ROBO2: variants seen among roughly 807,000 people sequenced by gnomAD.
ROBO2 encodes roundabout guidance receptor 2.
Under a neutral mutation model 160.8 loss-of-function variants are expected in ROBO2, and 53 were observed. That is an observed-to-expected ratio of 0.33 (90% CI 0.26 to 0.41). The LOEUF (loss-of-function observed/expected upper bound fraction) is 0.41. ROBO2 is among the 10% of genes least tolerant of loss of function. The pLI is 1.00. For synonymous variants in ROBO2, 664 were observed against 611.7 expected (o/e 1.09, Z -1.26); for missense variants, 1,577 against 1,722.4 (o/e 0.92, Z 1.49).
At chr3:77,187,795 G>T (rs1463762997) in intron 2 of ROBO2, among the ~76,000 whole-genome samples, 1 of 151,856 alleles carries the variant, frequency 6.6e-6, no homozygotes, top group Non-Finnish European at 1.5e-5. Context: ...TAAAATGAAT[G>T]TATAGAAGTA....
chr3:77,035,925 T>C (rs1417895326), upstream of ROBO2, among the ~76,000 whole-genome samples: 1 of 151,928 alleles, frequency 6.6e-6, no homozygotes, highest in African/African-American at 2.4e-5. Flanking sequence ...TATAGAAAAA[T>C]TCGAGCTGAG....
chr3:77,327,921 T>G (rs2065585272), intron 2 of ROBO2, among the ~76,000 whole-genome samples: 1 of 151,598 alleles, frequency 6.6e-6, no homozygotes, highest in South Asian at 2.1e-4. Flanking sequence ...CATGGTGATA[T>G]GCACCTGTAA....
intron 2 of ROBO2, among the ~76,000 whole-genome samples, chr3:76,112,237 T>G (rs1275486354): frequency 1.3e-5 from 2 of 152,186 alleles, no homozygotes; most frequent in African/African-American, 2.4e-5. Context: ...AAAAATGTTT[T>G]GACTATTCTA....
At chr3:76,682,016 A>G (rs887846368) in intron 2 of ROBO2, among the ~76,000 whole-genome samples, 4 of 152,120 alleles carry the variant, frequency 2.6e-5, no homozygotes, top group African/African-American at 9.7e-5. Flanking sequence ...GCAGTAGTGA[A>G]GATGGGAAGG....
chr3:77,322,516 A>G (rs148604383), intron 2 of ROBO2, among the ~76,000 whole-genome samples: 19 of 152,038 alleles, frequency 1.2e-4, no homozygotes, highest in African/African-American at 4.3e-4. Context: ...TCTCAATTTA[A>G]AGGAACATGA....
In ROBO2 at chr3:76,146,191, A is replaced by G. The variant is rs2071880041; in HGVS notation, c.109+208589A>G. On this transcript the variant is annotated intron_variant, in intron 2 of 26. Coordinates refer to the ROBO2 transcript ENST00000487694. ...TTCTCCACAACCACACCCCAACAGT[A>G]AAACATTCTTTAAAACAATTACTCA... Among the ~76,000 whole-genome samples, 4 of 152,032 alleles carry G rather than the reference A, an allele frequency of 2.6e-5. 1 individual carries two copies. The South Asian group carries it at 8.3e-4, about 31-fold the overall frequency.
At chr3:76,603,255 C>T (rs1163682940) in intron 2 of ROBO2, among the ~76,000 whole-genome samples, 1 of 147,590 alleles carries the variant, frequency 6.8e-6, no homozygotes, top group South Asian at 2.1e-4. Context: ...TGGCGTGAAC[C>T]CGGGAGGCAG....
At chr3:76,886,330 T>C (rs1266150953) in intron 2 of ROBO2, among the ~76,000 whole-genome samples, 1 of 151,756 alleles carries the variant, frequency 6.6e-6, no homozygotes, top group Non-Finnish European at 1.5e-5. Context: ...CAAGGACACA[T>C]AGTTCTTCAA....
chr3:76,305,351 A>G (rs2071282258), intron 2 of ROBO2, among the ~76,000 whole-genome samples: 1 of 121,942 alleles, frequency 8.2e-6, no homozygotes, highest in African/African-American at 3.1e-5. Flanking sequence ...TGATCTCACC[A>G]CTGCACTTCA....
chr3:76,449,846 T>A (rs770362873), intron 2 of ROBO2, among the ~76,000 whole-genome samples: 1 of 152,252 alleles, frequency 6.6e-6, no homozygotes, highest in East Asian at 1.9e-4. Context: ...TTGAGTTTAT[T>A]GCATATATTG....
intron 2 of ROBO2, among the ~76,000 whole-genome samples, chr3:77,426,130 C>T (rs1036528915): frequency 2.0e-5 from 3 of 152,024 alleles, no homozygotes; most frequent in African/African-American, 7.2e-5. Flanking sequence ...GTTCAGCTGT[C>T]CAGACAAGAA....
intron 2 of ROBO2, among the ~76,000 whole-genome samples, chr3:76,806,513 C>CA (rs534102700): frequency 5.1e-4 from 75 of 147,888 alleles, no homozygotes; most frequent in African/African-American, 1.4e-3. Context: ...AAGTGTTTGC[C>CA]AAAAAAAAAC....
intron 2 of ROBO2, among the ~76,000 whole-genome samples, chr3:76,577,176 C>G (rs989700991): frequency 2.0e-5 from 3 of 152,024 alleles, no homozygotes; most frequent in Non-Finnish European, 4.4e-5. Flanking sequence ...CATAACACAC[C>G]TTGATATGTT....
At chr3:76,616,430 A>T (rs7639686) in intron 2 of ROBO2, among the ~76,000 whole-genome samples, 114,625 of 152,140 alleles carry the variant, frequency 0.75, 43,816 homozygotes, top group South Asian at 0.91. Flanking sequence ...TGTGTGATTC[A>T]TCAGGGGCCA....
intron 2 of ROBO2, among the ~76,000 whole-genome samples, chr3:77,196,325 C>CTT (rs57448784): frequency 0.14 from 19,604 of 141,594 alleles, 1,629 homozygotes; most frequent in Middle Eastern, 0.22. Context: ...AAATACCCTG[C>CTT]TTTTTTTTTT....
At chr3:77,422,343 A>T (rs2077788128) in intron 2 of ROBO2, among the ~76,000 whole-genome samples, 1 of 152,176 alleles carries the variant, frequency 6.6e-6, no homozygotes, top group African/African-American at 2.4e-5. Flanking sequence ...ATGAAGGCTA[A>T]GCAGGCATTT....
chr3:77,139,138 G>A (rs972919110), intron 2 of ROBO2, among the ~76,000 whole-genome samples: 1 of 152,062 alleles, frequency 6.6e-6, no homozygotes, highest in Non-Finnish European at 1.5e-5. Flanking sequence ...AGAGGAAAAT[G>A]TTAAGAGTTT....
At chr3:76,157,352 G>A (rs1294004005) in intron 2 of ROBO2, among the ~76,000 whole-genome samples, 1 of 151,952 alleles carries the variant, frequency 6.6e-6, no homozygotes, top group Non-Finnish European at 1.5e-5. Context: ...CACTTTGGCC[G>A]GGAAGCAGAC....
chr3:76,805,853 GTATTTCTT>G (rs1470001330), intron 2 of ROBO2, among the ~76,000 whole-genome samples: 1 of 151,856 alleles, frequency 6.6e-6, no homozygotes, highest in East Asian at 1.9e-4. Flanking sequence ...GTCCCCCTCT[GTATTTCTT>G]TCCTTTTAAC....
Sources: gnomAD v4.1 joint callset for allele counts (sites outside exome capture counted in the v4.1 genomes callset) on GRCh38, gnomAD v4.1.1 for gene constraint, MANE v1.5 for transcripts, NCBI Gene and HGNC (gene_info 2026-07-23, HGNC 2026-07-21) for gene names.